Variants in LIG1 observed in about 807,000 individuals in gnomAD.
LIG1 encodes the protein DNA ligase 1.
In LIG1, 70 loss-of-function variants were observed where a neutral mutation model predicts 115.7. That is an observed-to-expected ratio of 0.60 (90% CI 0.50 to 0.74). The LOEUF (loss-of-function observed/expected upper bound fraction) is 0.74. Among genes scored for constraint, LIG1 ranks in the 30% least tolerant of loss-of-function variants. The pLI, the probability that LIG1 is intolerant of heterozygous loss-of-function variation, is 0.00. For synonymous variants in LIG1, 487 were observed against 495.3 expected (o/e 0.98, Z 0.22); for missense variants, 1,115 against 1,225.6 (o/e 0.91, Z 1.35).
chr19:48,151,425 T>A (rs777984553), intron 6 of LIG1, 86 bp from the exon 7 acceptor site: 6 of 838,698 alleles, frequency 7.2e-6, no homozygotes, highest in East Asian at 2.5e-5. Context: ...TCTGCCCTCA[T>A]CTGTCATCTG....
intron 17 of LIG1, 80 bp from the exon 18 acceptor site, chr19:48,133,177 G>A: frequency 1.1e-6 from 1 of 934,940 alleles, no homozygotes; most frequent in Admixed American, 1.7e-5. Context: ...AACTGCTAAT[G>A]GGCCCCAGGA....
intron 5 of LIG1, 68 bp from the exon 6 acceptor site, chr19:48,154,035 C>A: frequency 1.5e-6 from 2 of 1,313,330 alleles, no homozygotes; most frequent in Non-Finnish European, 1.1e-6. Context: ...GGAGAGCTCA[C>A]ACCCACTGAT....
chr19:48,162,946 G>A (rs904446806), intron 2 of LIG1, among the ~76,000 whole-genome samples: 6 of 151,142 alleles, frequency 4.0e-5, no homozygotes, highest in East Asian at 3.9e-4. Flanking sequence ...ACAGACTCTC[G>A]CTCTGTTGCC....
At chr19:48,135,983 A>T (rs1450936529) in intron 15 of LIG1, 51 bp downstream of exon 15, 15 of 1,387,786 alleles carry the variant, frequency 1.1e-5, no homozygotes, top group Middle Eastern at 2.6e-4. Flanking sequence ...GGAGGGGGGA[A>T]GCCTGAGGTA....
chr19:48,162,535 G>A (rs1219055395), intron 2 of LIG1, among the ~76,000 whole-genome samples, 184 bp from the exon 3 acceptor site: 2 of 150,864 alleles, frequency 1.3e-5, no homozygotes, highest in African/African-American at 2.4e-5. Flanking sequence ...CTGGGTGCAT[G>A]CCATTCTCCT....
In LIG1 at chr19:48,119,099, A is replaced by T. The variant is rs1436864429; in HGVS notation, c.2439+38T>A. ...GACTGTGCTGTCAGGGGCAGGGGGGAGAGGGGTGGAGGCTGAGGCGCAGCC... is the reference window on the plus strand; with the variant it reads ...GACTGTGCTGTCAGGGGCAGGGGGGTGAGGGGTGGAGGCTGAGGCGCAGCC... On this transcript the variant is annotated intron_variant, in intron 25 of 27. Coordinates refer to ENST00000263274, the MANE Select transcript of LIG1 (RefSeq NM_000234.3). 2.6e-6 allele frequency: 4 copies of T among 1,514,322 alleles called. No homozygotes were observed. In the South Asian group the frequency reaches 4.8e-5, roughly 18 times the overall value. 93.8% of individuals were successfully genotyped at this position (1,514,322 alleles called of 1,614,324 possible).
At chr19:48,132,062 C>T (rs1228414988) in intron 18 of LIG1, among the ~76,000 whole-genome samples, 1 of 151,894 alleles carries the variant, frequency 6.6e-6, no homozygotes, top group Non-Finnish European at 1.5e-5. Context: ...CCTCAGCCTC[C>T]CGAGTAGCTG....
intron 18 of LIG1, among the ~76,000 whole-genome samples, chr19:48,131,701 A>C (rs2034033614): frequency 6.6e-6 from 1 of 151,942 alleles, no homozygotes. Context: ...AGCCTCCCAA[A>C]GTGCTGGGAT....
chr19:48,143,583 C>A lies in LIG1; in HGVS notation c.874G>T (p.Val292Leu), dbSNP rs372845440. 19 of 1,610,588 alleles carry A rather than the reference C, an allele frequency of 1.2e-5. No homozygotes were observed. Among genetic ancestry groups the A allele is most frequent in the Non-Finnish European group, 1.6e-5 (19 of 1,178,688 alleles). Reference protein sequence around the residue: ...KPGQKVPYLAVARTFEKIEEV... With the variant: ...KPGQKVPYLALARTFEKIEEV... ...TCGATCTTCTCAAACGTCCGGGCCA[C>A]AGCCAGGTAAGGAACCCTAGGGAAG... is the stretch of plus-strand genomic sequence containing the variant. Residue 292 changes from valine to leucine, a missense_variant, in exon 11 of 28, where the codon GTG (valine) becomes TTG (leucine). Val to Leu is a conservative substitution (Grantham distance 32). Coordinates refer to ENST00000263274, the MANE Select transcript of LIG1 (RefSeq NM_000234.3).
intron 25 of LIG1, among the ~76,000 whole-genome samples, chr19:48,118,913 G>A (rs371491819): frequency 6.6e-6 from 1 of 152,172 alleles, no homozygotes; most frequent in African/African-American, 2.4e-5. Flanking sequence ...CACAGGGCTT[G>A]GGGAGGTGAG....
At chr19:48,165,813 C>G in intron 1 of LIG1, 190 bp from the exon 2 acceptor site, 1 of 620,328 alleles carries the variant, frequency 1.6e-6, no homozygotes, top group Non-Finnish European at 2.9e-6. Context: ...AATAAAAGCT[C>G]CAAATCAGAG....
chr19:48,118,090 C>T (rs914008975), intron 25 of LIG1, among the ~76,000 whole-genome samples: 2 of 151,914 alleles, frequency 1.3e-5, no homozygotes, highest in African/African-American at 4.8e-5. Flanking sequence ...TGAGGCAGGA[C>T]ATTAAAGACA....
chr19:48,161,517 G>A lies in LIG1; in HGVS notation c.108-10C>T. The A allele has an allele frequency of 6.2e-7, 1 of 1,613,950 alleles. No homozygotes were observed. Among genetic ancestry groups the A allele is most frequent in the Non-Finnish European group, 8.5e-7 (1 of 1,179,888 alleles). ...CTCCTTCAGTGCCGCCCTGGAAGGTGGGGAAATGGGGGTGTAAAGGGGCGA... is the reference window on the plus strand; with the variant it reads ...CTCCTTCAGTGCCGCCCTGGAAGGTAGGGAAATGGGGGTGTAAAGGGGCGA... On this transcript the variant is annotated splice_polypyrimidine_tract_variant and intron_variant, in intron 3 of 27. Transcript: ENST00000263274.
At position 48,156,986 on chromosome 19, in the gene LIG1, G is replaced by A; in HGVS notation, c.370+28C>T. On this transcript the variant is annotated intron_variant, in intron 5 of 27. Transcript: ENST00000263274. The stretch of plus-strand genomic sequence containing the variant: ...AAGAGAAAAAGAAAGGCAGGCGACT[G>A]AAGGGGCAGGGGCCCGTGTGTTCTC... The A allele has an allele frequency of 1.3e-6, 2 of 1,488,334 alleles. 1 individual carries two copies. The highest frequency in any genetic ancestry group is 1.8e-6 in the Non-Finnish European group (2 of 1,097,186). 92.2% of individuals were successfully genotyped at this position (1,488,334 alleles called of 1,614,324 possible).
rs536483988 is a variant in LIG1, at chr19:48,153,058, G to A, written c.466+814C>T. On this transcript the variant is annotated intron_variant, in intron 6 of 27. Transcript: ENST00000263274. ...CTAAAAATACAAAAATTAGCTGGGC[G>A]TGGTGGTGTGTCTGTAATCCCAGCT... is the stretch of plus-strand genomic sequence containing the variant. Among the ~76,000 whole-genome samples, 14 of 152,016 alleles carry A rather than the reference G, an allele frequency of 9.2e-5. No individual in the cohort carries two copies. The South Asian group carries it at 2.7e-3, about 29-fold the overall frequency.
chr19:48,140,490 G>T (rs1053945047), intron 11 of LIG1, among the ~76,000 whole-genome samples: 1 of 152,310 alleles, frequency 6.6e-6, no homozygotes, highest in Middle Eastern at 3.4e-3. Flanking sequence ...ACTCTGAAAC[G>T]AAATTGGTAA....
intron 6 of LIG1, among the ~76,000 whole-genome samples, chr19:48,151,956 TA>T (rs374009734): frequency 9.4e-5 from 14 of 149,568 alleles, no homozygotes; most frequent in Admixed American, 4.0e-4. Flanking sequence ...TCTTCAAAGT[TA>T]AAAAAAAAAT....
At chr19:48,145,698 G>C (rs1334208042) in intron 9 of LIG1, among the ~76,000 whole-genome samples, 2 of 152,156 alleles carry the variant, frequency 1.3e-5, no homozygotes, top group Non-Finnish European at 2.9e-5. Flanking sequence ...GAGCCAGTCA[G>C]CCTGGCTAGA....
In LIG1 at chr19:48,165,533, C is replaced by T. The variant is rs1360685623; in HGVS notation, c.17+17G>A. On this transcript the variant is annotated intron_variant, in intron 2 of 27. Coordinates refer to ENST00000263274, the MANE Select transcript of LIG1 (RefSeq NM_000234.3). ...ACTTGGAGAAGGAAAGACTCAGGGGCAAGGGAGGGTGCTCACATGATACTT... is the reference window on the plus strand; with the variant it reads ...ACTTGGAGAAGGAAAGACTCAGGGGTAAGGGAGGGTGCTCACATGATACTT... The T allele has an allele frequency of 3.1e-6, 5 of 1,590,970 alleles. No homozygotes were observed. In the East Asian group the frequency reaches 1.1e-4, roughly 36 times the overall value.
Sources: gnomAD v4.1 joint callset for allele counts (sites outside exome capture counted in the v4.1 genomes callset) on GRCh38, gnomAD v4.1.1 for gene constraint, MANE v1.5 for transcripts, NCBI Gene and HGNC (gene_info 2026-07-23, HGNC 2026-07-21) for gene names.